Variants in GRID1 observed in about 807,000 individuals in gnomAD.
GRID1 encodes glutamate ionotropic receptor delta type subunit 1.
In GRID1, 28 loss-of-function variants were observed where a neutral mutation model predicts 98.0. The ratio of observed to expected loss-of-function variants is 0.29; its 90% confidence interval spans 0.21 to 0.39. The LOEUF is 0.39. Ranked by LOEUF, GRID1 falls within the 10% of genes least tolerant of loss-of-function variation. GRID1 has a pLI of 1.00. For synonymous variants in GRID1, 553 were observed against 538.5 expected (o/e 1.03, Z -0.37); for missense variants, 1,111 against 1,340.5 (o/e 0.83, Z 2.67).
At chr10:85,839,358 C>T (rs1004195695) in intron 8 of GRID1, among the ~76,000 whole-genome samples, 4 of 152,194 alleles carry the variant, frequency 2.6e-5, no homozygotes, top group African/African-American at 9.6e-5. Flanking sequence ...TGCCACATGG[C>T]ACATATTTTA....
chr10:86,025,610 A>T (rs1415820211), intron 4 of GRID1, among the ~76,000 whole-genome samples: 3 of 152,198 alleles, frequency 2.0e-5, no homozygotes, highest in African/African-American at 7.2e-5. Flanking sequence ...TTTACAAATA[A>T]GAAAACAGAC....
Position 85,602,690 on chromosome 10 carries a change from C to A in GRID1, c.2613G>T (p.Val871=). The part of the protein sequence containing the change: ...HQETPKEDKE[V]NLEQVHRRMN... ...TGCGCCGGTGGACCTGCTCCAAGTT[C>A]ACTTCTTTGTCCTGGAGGGAAGGCA... The change falls in exon 16 of 16, where the codon GTG becomes GTT. Residue 871 remains valine, a synonymous_variant. Transcript: ENST00000327946. 6.2e-7 allele frequency: 1 copy of A among 1,611,368 alleles called. No homozygotes were observed. Among genetic ancestry groups the A allele is most frequent in the South Asian group, 1.1e-5 (1 of 90,456 alleles).
At chr10:85,721,632 G>A (rs193001612) in intron 12 of GRID1, among the ~76,000 whole-genome samples, 3 of 152,190 alleles carry the variant, frequency 2.0e-5, no homozygotes, top group African/African-American at 4.8e-5. Context: ...ATCACATACT[G>A]AAATGACAAA....
chr10:86,089,104 A>T (rs1010833835), intron 4 of GRID1, among the ~76,000 whole-genome samples: 6 of 152,186 alleles, frequency 3.9e-5, no homozygotes, highest in Non-Finnish European at 7.3e-5. Flanking sequence ...GCTGAAATGA[A>T]GTCCCCATTT....
chr10:86,107,555 T>C (rs1473882052), intron 4 of GRID1, among the ~76,000 whole-genome samples: 1 of 152,222 alleles, frequency 6.6e-6, no homozygotes, highest in Non-Finnish European at 1.5e-5. Context: ...CCCTGGCCTG[T>C]GCCCATGGAC....
At position 85,702,089 on chromosome 10, in the gene GRID1, A is replaced by T. The variant is rs573971872; in HGVS notation, c.1997+20914T>A. Among the ~76,000 whole-genome samples, 13 of 152,308 alleles carry T rather than the reference A, an allele frequency of 8.5e-5. No individual in the cohort carries two copies. In the South Asian group the frequency reaches 2.3e-3, roughly 27 times the overall value. ...CATAATATTGTGTTAAAGATACTAA[A>T]GAATATATTGTTAGAAAAGCATATG... On this transcript the variant is annotated intron_variant, in intron 12 of 15. Transcript: ENST00000327946.
chr10:85,854,559 G>A lies in GRID1; in HGVS notation c.1170C>T (p.Pro390=). ...VMEFREDSSN[P]YVQFEILGTT... ...TGCCAAGGATTTCAAACTGGACATA[G>A]GGATTCGAACTGTCCTCCCGAAACT... The change falls in exon 8 of 16, where the codon CCC becomes CCT. Residue 390 remains proline, a synonymous_variant. Coordinates refer to ENST00000327946, the MANE Select transcript of GRID1 (RefSeq NM_017551.3). 6.2e-7 allele frequency: 1 copy of A among 1,613,320 alleles called. No homozygotes were observed. The highest frequency in any genetic ancestry group is 2.2e-5 in the East Asian group (1 of 44,872).
At chr10:86,025,951 C>T (rs1270788563) in intron 4 of GRID1, among the ~76,000 whole-genome samples, 1 of 152,212 alleles carries the variant, frequency 6.6e-6, no homozygotes, top group East Asian at 1.9e-4. Context: ...GGGTATAGTC[C>T]TTCTGTGCCC....
chr10:85,639,241 C>CA (rs71487225), intron 13 of GRID1, among the ~76,000 whole-genome samples: 4,386 of 152,082 alleles, frequency 0.029, 104 homozygotes, highest in Non-Finnish European at 0.046. Context: ...CCCACACACA[C>CA]AAAAAAAGAA....
intron 4 of GRID1, among the ~76,000 whole-genome samples, chr10:86,055,086 C>T (rs982920748): frequency 7.2e-5 from 11 of 152,212 alleles, no homozygotes; most frequent in Non-Finnish European, 4.4e-5. Flanking sequence ...CCAGCCAAAA[C>T]TTAAGCTGAC....
At chr10:86,126,824 G>A (rs1844761572) in intron 4 of GRID1, among the ~76,000 whole-genome samples, 1 of 152,214 alleles carries the variant, frequency 6.6e-6, no homozygotes, top group Admixed American at 6.5e-5. Context: ...GGCAGAGCCT[G>A]ACAGTCCTCT....
chr10:85,908,983 C>T (rs1248533896), intron 5 of GRID1, among the ~76,000 whole-genome samples: 2 of 152,126 alleles, frequency 1.3e-5, no homozygotes, highest in African/African-American at 2.4e-5. Context: ...CAGTGCTCAA[C>T]TGAAAAGATA....
chr10:85,930,334 TGTG>T (rs927408067), intron 4 of GRID1, among the ~76,000 whole-genome samples: 9 of 147,498 alleles, frequency 6.1e-5, no homozygotes, highest in Admixed American at 2.0e-4. Context: ...ACAAATAACT[TGTG>T]GTTATTTATA....
intron 2 of GRID1, among the ~76,000 whole-genome samples, chr10:86,316,159 C>T (rs1324094910): frequency 1.3e-5 from 2 of 152,214 alleles, no homozygotes; most frequent in Admixed American, 1.3e-4. Flanking sequence ...TGGGGACCTC[C>T]ACTCGACCAA....
At chr10:85,790,537 G>A (rs1413406644) in intron 8 of GRID1, among the ~76,000 whole-genome samples, 1 of 152,232 alleles carries the variant, frequency 6.6e-6, no homozygotes, top group Non-Finnish European at 1.5e-5. Flanking sequence ...CTGGGCAGAG[G>A]GAGTGGGGGG....
At chr10:86,085,999 A>G (rs1429419405) in intron 4 of GRID1, among the ~76,000 whole-genome samples, 1 of 151,154 alleles carries the variant, frequency 6.6e-6, no homozygotes, top group Non-Finnish European at 1.5e-5. Context: ...AGCTCACCAA[A>G]CTCTTTGGAG....
intron 2 of GRID1, among the ~76,000 whole-genome samples, chr10:86,221,129 T>C (rs1439743203): frequency 6.6e-6 from 1 of 152,200 alleles, no homozygotes; most frequent in Middle Eastern, 3.2e-3. Context: ...CCCCAGGTGC[T>C]TCAGAGCAGT....
chr10:86,286,357 C>T (rs1215919980), intron 2 of GRID1, among the ~76,000 whole-genome samples: 1 of 152,150 alleles, frequency 6.6e-6, no homozygotes, highest in African/African-American at 2.4e-5. Flanking sequence ...CCTGAGGGAG[C>T]AGCCTGTGTC....
intron 12 of GRID1, among the ~76,000 whole-genome samples, chr10:85,689,059 A>C (rs1294285321): frequency 6.6e-6 from 1 of 152,234 alleles, no homozygotes; most frequent in Non-Finnish European, 1.5e-5. Flanking sequence ...TGATTCTATC[A>C]GTCAACATAT....
Sources: allele counts gnomAD v4.1 joint callset (sites outside exome capture counted in the v4.1 genomes callset), GRCh38; gene constraint gnomAD v4.1.1; transcripts MANE v1.5; gene names NCBI Gene and HGNC (gene_info 2026-07-23, HGNC 2026-07-21).